Variants in NSUN4 observed in about 807,000 individuals in gnomAD.
NSUN4 encodes the protein 5-cytosine rRNA methyltransferase NSUN4.
A neutral mutation model predicts 43.8 loss-of-function variants in NSUN4; 31 were observed. The observed-to-expected ratio is 0.71, with a 90% CI of 0.53 to 0.96. NSUN4 has a LOEUF of 0.96. Ranked by LOEUF, NSUN4 falls within the 40% of genes least tolerant of loss-of-function variation. The pLI is 0.00. For missense variants in NSUN4, 439 were observed against 475.6 expected, an observed-to-expected ratio of 0.92 and a Z score of 0.72; for synonymous variants, 167 against 184.1, an observed-to-expected ratio of 0.91 and a Z score of 0.75.
At chr1:46,360,917 A>G in intron 5 of NSUN4, 89 bp downstream of exon 5, 1 of 1,402,098 alleles carries the variant, frequency 7.1e-7, no homozygotes, top group Non-Finnish European at 1.0e-6. Context: ...ACCATAACCC[A>G]CACAAGAATC....
At chr1:46,360,066 A>C in intron 4 of NSUN4, among the ~76,000 whole-genome samples, 1 of 150,062 alleles carries the variant, frequency 6.7e-6, no homozygotes, top group African/African-American at 2.5e-5. Flanking sequence ...CGGCTCTACT[A>C]AAAATACAAA....
rs1054205285 is a variant in NSUN4 at position 46,340,859 on chromosome 1, G to A, written c.33G>A (p.Glu11=). The change falls in exon 1 of 6, where the codon GAG becomes GAA. Residue 11 remains glutamate, a synonymous_variant. Coordinates refer to ENST00000474844, the MANE Select transcript of NSUN4 (RefSeq NM_199044.4). ...CGCTGACACTGAGGGGTGTCCGGGA[G>A]CTGCTGAAGCGTGTGGACCTCGCGA... MAALTLRGVR[E]LLKRVDLATV... 2 of 1,613,236 alleles carry A rather than the reference G, an allele frequency of 1.2e-6. No homozygotes were observed. The highest frequency in any genetic ancestry group is 1.3e-5 in the African/African-American group (1 of 74,924).
At chr1:46,341,613 C>T (rs909106443) in intron 1 of NSUN4, 1 of 1,216,952 alleles carries the variant, frequency 8.2e-7, no homozygotes. Flanking sequence ...CTGCCCACCC[C>T]AGCCGATTCC....
chr1:46,345,291 GC>G (rs1411076837), intron 2 of NSUN4, 147 bp downstream of exon 2: 1 of 616,808 alleles, frequency 1.6e-6, no homozygotes, highest in African/African-American at 1.8e-5. Flanking sequence ...TTTTTGAGGT[GC>G]TGTACATATG....
chr1:46,360,699 G>C lies in NSUN4; in HGVS notation c.754-5G>C. The C allele has an allele frequency of 6.2e-7, 1 of 1,613,644 alleles. No individual in the cohort carries two copies. Among genetic ancestry groups the C allele is most frequent in the Non-Finnish European group, 8.5e-7 (1 of 1,179,684 alleles). On this transcript the variant is annotated splice_region_variant and splice_polypyrimidine_tract_variant and intron_variant, in intron 4 of 5. Coordinates refer to ENST00000474844, the MANE Select transcript of NSUN4 (RefSeq NM_199044.4). ...TAATACTTTACCCTTTAACACTCTG[G>C]GTAGGTGCTGGTGGATGTGCCCTGT...
chr1:46,355,204 G>A lies in NSUN4; in HGVS notation c.753+2176G>A, dbSNP rs560183615. On this transcript the variant is annotated intron_variant, in intron 4 of 5. Coordinates refer to ENST00000474844, the MANE Select transcript of NSUN4 (RefSeq NM_199044.4). ...GAAAGCACTTAGTATAGTACCTGGCGGTGAAGATTAGGCAAGCAGGACCCA... is the reference window on the plus strand; with the variant it reads ...GAAAGCACTTAGTATAGTACCTGGCAGTGAAGATTAGGCAAGCAGGACCCA... Among the ~76,000 whole-genome samples, 7 of 152,302 alleles carry A rather than the reference G, an allele frequency of 4.6e-5. No homozygotes were observed. The East Asian group carries it at 5.8e-4, about 13-fold the overall frequency.
intron 3 of NSUN4, among the ~76,000 whole-genome samples, chr1:46,351,419 C>A (rs113829364): frequency 2.6e-5 from 4 of 152,158 alleles, no homozygotes; most frequent in African/African-American, 9.6e-5. Context: ...AATTGGGGTT[C>A]TATTAATAAG....
At chr1:46,346,231 G>A (rs1478299304) in intron 2 of NSUN4, among the ~76,000 whole-genome samples, 1 of 151,178 alleles carries the variant, frequency 6.6e-6, no homozygotes, top group Non-Finnish European at 1.5e-5. Context: ...AGAGCTTCCA[G>A]TTTAGTGAGG....
chr1:46,374,890 G>GAA, the NSUN4 span, among the ~76,000 whole-genome samples: 3 of 138,416 alleles, frequency 2.2e-5, no homozygotes, highest in African/African-American at 5.5e-5. Context: ...CCCGTCTCTG[G>GAA]AAAAAAAAAA....
Position 46,352,899 on chromosome 1 carries a change from C to T in NSUN4, c.624C>T (p.Ser208=), listed in dbSNP as rs775401094. 6.2e-7 allele frequency: 1 copy of T among 1,614,108 alleles called. No individual in the cohort carries two copies. Among genetic ancestry groups the T allele is most frequent in the Non-Finnish European group, 8.5e-7 (1 of 1,179,998 alleles). ...RNLAANDLSP[S]RIARLQKILH... is the part of the protein sequence containing the mutation. ...TTGCTGCCAATGATCTCTCCCCGTC[C>T]CGAATAGCCAGACTACAGAAGATCC... The change falls in exon 4 of 6, where the codon TCC becomes TCT. Residue 208 remains serine (S), a synonymous_variant. Coordinates refer to ENST00000474844, the MANE Select transcript of NSUN4 (RefSeq NM_199044.4).
chr1:46,383,235 G>A, the NSUN4 span, among the ~76,000 whole-genome samples: 39 of 152,212 alleles, frequency 2.6e-4, 1 homozygote, highest in East Asian at 1.9e-3. Flanking sequence ...CCGGGTTTGG[G>A]AAAGAGGAGG....
At chr1:46,378,223 T>C in the NSUN4 span, among the ~76,000 whole-genome samples, 1 of 139,570 alleles carries the variant, frequency 7.2e-6, no homozygotes, top group Non-Finnish European at 1.5e-5. Context: ...TTTTTTGAGA[T>C]GGAGTTTCTC....
chr1:46,348,606 G>A (rs1295249753), intron 3 of NSUN4, among the ~76,000 whole-genome samples: 3 of 151,320 alleles, frequency 2.0e-5, no homozygotes, highest in South Asian at 2.1e-4. Flanking sequence ...CTACTTGGGA[G>A]GCTGAGGCAG....
chr1:46,347,186 C>G (rs961901298), intron 3 of NSUN4, 111 bp downstream of exon 3: 3 of 1,167,264 alleles, frequency 2.6e-6, no homozygotes, highest in Non-Finnish European at 3.6e-6. Flanking sequence ...GCCTGTAATC[C>G]CAGCACTTTG....
chr1:46,351,769 T>C (rs1256770284), intron 3 of NSUN4, among the ~76,000 whole-genome samples: 5 of 144,178 alleles, frequency 3.5e-5, no homozygotes, highest in Admixed American at 2.2e-4. Context: ...GGTTCACGCC[T>C]TTCCCCTGCC....
chr1:46,351,432 G>A (rs1444036514), intron 3 of NSUN4, among the ~76,000 whole-genome samples: 1 of 152,160 alleles, frequency 6.6e-6, no homozygotes, highest in African/African-American at 2.4e-5. Context: ...TTAATAAGGA[G>A]GAAGAGGAGA....
At chr1:46,355,743 G>A (rs946347276) in intron 4 of NSUN4, among the ~76,000 whole-genome samples, 1 of 152,078 alleles carries the variant, frequency 6.6e-6, no homozygotes, top group East Asian at 1.9e-4. Context: ...GGCCGGGCAC[G>A]GTGGCTAACG....
At chr1:46,372,723 GT>G in the NSUN4 span, among the ~76,000 whole-genome samples, 17 of 152,098 alleles carry the variant, frequency 1.1e-4, no homozygotes, top group African/African-American at 4.1e-4. Context: ...GTTTTGTTTT[GT>G]TTTGTTGTTG....
At chr1:46,342,458 C>T (rs1662181759) in intron 1 of NSUN4, 1 of 399,068 alleles carries the variant, frequency 2.5e-6, no homozygotes, top group Admixed American at 4.4e-5. Flanking sequence ...GCTATGCCAT[C>T]TGCCTGTGCC....
Sources: gnomAD v4.1 joint callset for allele counts (sites outside exome capture counted in the v4.1 genomes callset) on GRCh38, gnomAD v4.1.1 for gene constraint, MANE v1.5 for transcripts, NCBI Gene and HGNC (gene_info 2026-07-23, HGNC 2026-07-21) for gene names.